The following KLRG1 variants were observed in gnomAD, a reference collection of about 807,000 sequenced individuals.
KLRG1 encodes killer cell lectin-like receptor subfamily G member 1.
Under a neutral mutation model 21.8 loss-of-function variants are expected in KLRG1, and 16 were observed. The ratio of observed to expected loss-of-function variants is 0.73; its 90% CI spans 0.50 to 1.11. The LOEUF is 1.11. KLRG1 is among the 50% of genes most tolerant of loss of function. The probability of loss-of-function intolerance (pLI) is 0.00; values close to 1 mark genes in which losing one functional copy is unlikely to be tolerated. For synonymous variants in KLRG1, 69 were observed against 75.9 expected (o/e 0.91, Z 0.47); for missense variants, 173 against 218.3 (o/e 0.79, Z 1.31).
chr12:9,006,409 A>C (rs1182396872), intron 3 of KLRG1, among the ~76,000 whole-genome samples: 1 of 152,238 alleles, frequency 6.6e-6, no homozygotes, highest in Non-Finnish European at 1.5e-5. Flanking sequence ...AAAGCTATGC[A>C]AAGACCTTAA....
At chr12:9,100,130 AT>A in the KLRG1 span, among the ~76,000 whole-genome samples, 22 of 152,298 alleles carry the variant, frequency 1.4e-4, no homozygotes, top group Non-Finnish European at 2.6e-4. Context: ...ATTATGACAT[AT>A]TTGCTCATGG....
At chr12:8,966,571 A>T (rs1311297911) in intron 1 of KLRG1, among the ~76,000 whole-genome samples, 2 of 152,224 alleles carry the variant, frequency 1.3e-5, no homozygotes, top group African/African-American at 2.4e-5. Flanking sequence ...GCAGCCAAAA[A>T]ACACATGAAA....
chr12:9,113,464 C>CA, the KLRG1 span: 2 of 1,613,770 alleles, frequency 1.2e-6, no homozygotes, highest in Non-Finnish European at 1.7e-6. Flanking sequence ...GTCACTGTCT[C>CA]ATTCAGGTAG....
the KLRG1 span, chr12:9,101,245 G>C: frequency 1.3e-6 from 2 of 1,538,730 alleles, no homozygotes; most frequent in Non-Finnish European, 1.8e-6. Flanking sequence ...AAATGTGCCA[G>C]AGAGAACACG....
the KLRG1 span, among the ~76,000 whole-genome samples, chr12:9,189,131 G>A: frequency 6.6e-6 from 1 of 152,064 alleles, no homozygotes; most frequent in African/African-American, 2.4e-5. Context: ...ATCCTTCACA[G>A]ACCTAGATAA....
chr12:9,166,349 T>C, the KLRG1 span: 1 of 722,552 alleles, frequency 1.4e-6, no homozygotes, highest in South Asian at 1.9e-5. Flanking sequence ...GGGAAATACT[T>C]TGTGATCCCT....
chr12:9,163,713 A>C, the KLRG1 span: 1 of 1,613,902 alleles, frequency 6.2e-7, no homozygotes, highest in Non-Finnish European at 8.5e-7. Flanking sequence ...TTTTAATCTC[A>C]GGGACCTCAA....
At chr12:9,067,849 T>C in the KLRG1 span, 134 of 1,611,496 alleles carry the variant, frequency 8.3e-5, no homozygotes, top group Middle Eastern at 9.9e-4. Flanking sequence ...TCTGTGACAT[T>C]GGAAAGAAAA....
At chr12:9,180,183 T>G in the KLRG1 span, among the ~76,000 whole-genome samples, 1 of 152,202 alleles carries the variant, frequency 6.6e-6, no homozygotes, top group Non-Finnish European at 1.5e-5. Flanking sequence ...GTGCACATTG[T>G]GCAGGTTAGT....
intron 3 of KLRG1, among the ~76,000 whole-genome samples, chr12:9,008,253 T>C (rs1805675): frequency 0.23 from 35,466 of 152,206 alleles, 4,858 homozygotes; most frequent in East Asian, 0.37. Flanking sequence ...CTGCAGCAAA[T>C]GTTTAGCTTC....
At chr12:8,995,032 G>A in intron 2 of KLRG1, 87 bp from the exon 3 acceptor site, 1 of 1,246,458 alleles carries the variant, frequency 8.0e-7, no homozygotes. Flanking sequence ...GGAAGACCCA[G>A]GGCTGCCATA....
At chr12:9,190,487 C>T in the KLRG1 span, among the ~76,000 whole-genome samples, 69 of 151,948 alleles carry the variant, frequency 4.5e-4, no homozygotes, top group African/African-American at 1.7e-3. Context: ...CACAGTGGGG[C>T]CTATCTGAGG....
chr12:9,178,035 C>T, the KLRG1 span, among the ~76,000 whole-genome samples: 1 of 152,046 alleles, frequency 6.6e-6, no homozygotes, highest in African/African-American at 2.4e-5. Flanking sequence ...TTGTCTCTTG[C>T]CTAATAATTA....
At chr12:9,162,675 A>T in the KLRG1 span, 1 of 1,541,272 alleles carries the variant, frequency 6.5e-7, no homozygotes. Context: ...GAAAAGGAGA[A>T]AAGATAGAAA....
the KLRG1 span, among the ~76,000 whole-genome samples, chr12:9,113,038 T>A: frequency 6.6e-6 from 1 of 152,114 alleles, no homozygotes; most frequent in Non-Finnish European, 1.5e-5. Flanking sequence ...GGGTGGCTCA[T>A]GTTGAGCCTT....
chr12:9,211,948 C>T, the KLRG1 span, among the ~76,000 whole-genome samples: 1 of 152,146 alleles, frequency 6.6e-6, no homozygotes, highest in Non-Finnish European at 1.5e-5. Context: ...CCTCCTAGAC[C>T]TTGGTCAGTA....
chr12:9,085,977 G>A, the KLRG1 span, among the ~76,000 whole-genome samples: 1 of 152,066 alleles, frequency 6.6e-6, no homozygotes, highest in East Asian at 1.9e-4. Context: ...GACAAATAAT[G>A]AGTAAAGAGA....
chr12:9,053,374 A>G, the KLRG1 span, among the ~76,000 whole-genome samples: 1 of 152,188 alleles, frequency 6.6e-6, no homozygotes, highest in African/African-American at 2.4e-5. Flanking sequence ...GGGATCCATC[A>G]GATGTCTACC....
chr12:8,965,077 G>C (rs1415115139), intron 1 of KLRG1, among the ~76,000 whole-genome samples: 1 of 152,122 alleles, frequency 6.6e-6, no homozygotes, highest in Non-Finnish European at 1.5e-5. Context: ...CAGAACCAAA[G>C]ACAAAAACCA....
Sources: allele counts gnomAD v4.1 joint callset (sites outside exome capture counted in the v4.1 genomes callset), GRCh38; gene constraint gnomAD v4.1.1; transcripts MANE v1.5; gene names NCBI Gene and HGNC (gene_info 2026-07-23, HGNC 2026-07-21).